PTPRQ: variants seen among roughly 807,000 people sequenced by gnomAD.
PTPRQ encodes protein tyrosine phosphatase receptor type Q.
A neutral mutation model predicts 246.0 loss-of-function variants in PTPRQ; 199 were observed. The observed-to-expected ratio is 0.81, with a 90% CI of 0.72 to 0.91. PTPRQ has a LOEUF of 0.91. Ranked by LOEUF, PTPRQ falls within the 40% of genes least tolerant of loss-of-function variation. The probability of loss-of-function intolerance (pLI) is 0.00; values close to 1 mark genes in which losing one functional copy is unlikely to be tolerated. For missense variants in PTPRQ, 2,624 were observed against 2,528.4 expected (o/e 1.04, Z -0.81); for synonymous variants, 869 against 853.2 (o/e 1.02, Z -0.32).
intron 10 of PTPRQ, among the ~76,000 whole-genome samples, chr12:80,493,959 A>G (rs956920333): frequency 6.6e-6 from 1 of 152,018 alleles, no homozygotes; most frequent in African/African-American, 2.4e-5. Context: ...ACAGTTTCTA[A>G]AAGGAGAATG....
intron 20 of PTPRQ, among the ~76,000 whole-genome samples, 163 bp from the exon 21 acceptor site, chr12:80,541,392 G>C (rs997158094): frequency 6.6e-6 from 1 of 152,036 alleles, no homozygotes; most frequent in Non-Finnish European, 1.5e-5. Flanking sequence ...TAATTATTTA[G>C]AAGATATTTT....
At chr12:80,490,555 G>A (rs1894413346) in intron 9 of PTPRQ, among the ~76,000 whole-genome samples, 1 of 151,974 alleles carries the variant, frequency 6.6e-6, no homozygotes, top group South Asian at 2.1e-4. Context: ...ACCAGCGGCA[G>A]TTTTGCTCTC....
At chr12:80,590,972 T>C (rs1179932115) in intron 26 of PTPRQ, among the ~76,000 whole-genome samples, 1 of 152,132 alleles carries the variant, frequency 6.6e-6, no homozygotes, top group Non-Finnish European at 1.5e-5. Flanking sequence ...TTTACTTAAA[T>C]GATCCCTGAT....
rs1895524073 is a variant in PTPRQ at position 80,522,330 on chromosome 12, T to C, written c.2679-11685T>C. Among the ~76,000 whole-genome samples the C allele has an allele frequency of 2.0e-5, 3 of 152,198 alleles. No individual in the cohort carries two copies. In the South Asian group the frequency reaches 6.2e-4, roughly 32 times the overall value. ...CAAACAGGGACAATTTGACTTCCTC[T>C]TTTCCTAATTGAATACCATTTATTT... On this transcript the variant is annotated intron_variant, in intron 17 of 44. Coordinates refer to ENST00000644991, the MANE Select transcript of PTPRQ (RefSeq NM_001145026.2).
At position 80,620,252 on chromosome 12, in the gene PTPRQ, G is replaced by A. The variant is rs1488874310; in HGVS notation, c.5488G>A (p.Glu1830Lys). 4.5e-6 allele frequency: 7 copies of A among 1,549,436 alleles called. No homozygotes were observed. Among genetic ancestry groups the A allele is most frequent in the Non-Finnish European group, 5.2e-6 (6 of 1,145,502 alleles). The change falls in exon 32 of 45, where the codon GAA (glutamate) becomes AAA (lysine). Residue 1830 changes from glutamate (E) to lysine (K), a missense_variant. Glu to Lys is a moderately conservative substitution (Grantham distance 56). Transcript: ENST00000644991. ...AGGCTTTCCTAACCCTCCATGTACA[G>A]AAGGAAAGACAAAGTTTAGTGGCAA... ...NEGFPNPPCT[E>K]GKTKFSGNEE... is the part of the protein sequence containing the mutation.
intron 35 of PTPRQ, among the ~76,000 whole-genome samples, chr12:80,637,144 A>C (rs1362258827): frequency 6.6e-6 from 1 of 152,094 alleles, no homozygotes; most frequent in Non-Finnish European, 1.5e-5. Context: ...CTGTAGTCCC[A>C]GCTACTCCAG....
intron 39 of PTPRQ, among the ~76,000 whole-genome samples, chr12:80,659,617 T>C (rs541950684): frequency 1.1e-4 from 16 of 152,160 alleles, no homozygotes; most frequent in African/African-American, 3.4e-4. Context: ...ACAGATTATG[T>C]AAGCAAAGTA....
chr12:80,552,958 A>C (rs989459784), intron 25 of PTPRQ, among the ~76,000 whole-genome samples: 3 of 151,922 alleles, frequency 2.0e-5, no homozygotes, highest in Admixed American at 6.6e-5. Flanking sequence ...TGAATAATAC[A>C]ATGCTGAATT....
At chr12:80,577,701 A>G (rs750017391) in intron 25 of PTPRQ, among the ~76,000 whole-genome samples, 21 of 152,176 alleles carry the variant, frequency 1.4e-4, no homozygotes, top group Admixed American at 3.9e-4. Flanking sequence ...GCCATGGTTT[A>G]TATTTGGGGC....
At chr12:80,571,954 A>G (rs1476047905) in intron 25 of PTPRQ, among the ~76,000 whole-genome samples, 1 of 152,056 alleles carries the variant, frequency 6.6e-6, no homozygotes, top group Non-Finnish European at 1.5e-5. Context: ...CAGTTTGTGT[A>G]AGTTCTACAA....
intron 29 of PTPRQ, among the ~76,000 whole-genome samples, chr12:80,615,284 A>G (rs1176681981): frequency 6.6e-6 from 1 of 150,962 alleles, no homozygotes; most frequent in Non-Finnish European, 1.5e-5. Context: ...TATCATATCT[A>G]CCACATGTAT....
chr12:80,472,078 T>A, intron 7 of PTPRQ, 27 bp from the exon 8 acceptor site: 2 of 1,550,530 alleles, frequency 1.3e-6, no homozygotes, highest in Non-Finnish European at 1.7e-6. Context: ...TAAAAAATAA[T>A]CCATAGCTAT....
chr12:80,463,253 G>A (rs1405941491), intron 6 of PTPRQ, among the ~76,000 whole-genome samples: 1 of 152,152 alleles, frequency 6.6e-6, no homozygotes, highest in African/African-American at 2.4e-5. Flanking sequence ...AATCAACTGG[G>A]AGAAAGGGTA....
chr12:80,459,581 T>G (rs1017570571), intron 5 of PTPRQ, 98 bp downstream of exon 5: 2 of 396,648 alleles, frequency 5.0e-6, no homozygotes, highest in African/African-American at 4.1e-5. Flanking sequence ...ACCAAAGTTT[T>G]ATTAGTTATT....
At chr12:80,552,645 TTATATATATA>T (rs71094985) in intron 25 of PTPRQ, among the ~76,000 whole-genome samples, 19,843 of 76,386 alleles carry the variant, frequency 0.26, 4,067 homozygotes, top group South Asian at 0.38. Context: ...AAAAAAAAAA[TTATATATATA>T]TATATATATA....
At chr12:80,545,350 A>G (rs1896272024) in intron 23 of PTPRQ, among the ~76,000 whole-genome samples, 1 of 152,136 alleles carries the variant, frequency 6.6e-6, no homozygotes, top group South Asian at 2.1e-4. Context: ...ATTATTTTAA[A>G]ATAGGATTCT....
At chr12:80,661,273 A>G (rs1219264463) in intron 39 of PTPRQ, among the ~76,000 whole-genome samples, 4 of 148,974 alleles carry the variant, frequency 2.7e-5, no homozygotes. Context: ...ATATGTGTAT[A>G]TACAGTTATA....
intron 39 of PTPRQ, among the ~76,000 whole-genome samples, chr12:80,661,367 G>A (rs1218954926): frequency 1.3e-5 from 2 of 149,178 alleles, no homozygotes; most frequent in Admixed American, 6.8e-5. Context: ...ATATGTATAT[G>A]CATGTATATA....
chr12:80,482,099 G>A (rs896563783), intron 8 of PTPRQ, among the ~76,000 whole-genome samples: 40 of 151,908 alleles, frequency 2.6e-4, no homozygotes, highest in Non-Finnish European at 5.0e-4. Context: ...CAAAGCTGGA[G>A]GATCACACTA....
Sources: gnomAD v4.1 joint callset for allele counts (sites outside exome capture counted in the v4.1 genomes callset) on GRCh38, gnomAD v4.1.1 for gene constraint, MANE v1.5 for transcripts, NCBI Gene and HGNC (gene_info 2026-07-23, HGNC 2026-07-21) for gene names.